CLECL1: variants seen among roughly 807,000 people sequenced by gnomAD.
CLECL1 encodes the protein C-type lectin-like domain family 1.
At chr12:9,728,825 T>C (rs1308960129) in intron 2 of CLECL1, among the ~76,000 whole-genome samples, 2 of 151,998 alleles carry the variant, frequency 1.3e-5, no homozygotes, top group Non-Finnish European at 2.9e-5. Context: ...TAGACTTTGC[T>C]GATTTCTGGA....
downstream of CLECL1, among the ~76,000 whole-genome samples, chr12:9,720,217 C>T (rs888056612): frequency 2.0e-5 from 3 of 152,134 alleles, no homozygotes; most frequent in South Asian, 2.1e-4. Context: ...GATGTTCCCC[C>T]AGTTCCCTAA....
chr12:9,713,974 A>G (rs1268494387), downstream of CLECL1, among the ~76,000 whole-genome samples: 2 of 152,202 alleles, frequency 1.3e-5, no homozygotes, highest in Admixed American at 6.5e-5. Flanking sequence ...ATCTATGTGT[A>G]GACAGTAATT....
At chr12:9,712,457 T>C (rs1355711013), downstream of CLECL1, among the ~76,000 whole-genome samples, 2 of 152,250 alleles carry the variant, frequency 1.3e-5, no homozygotes, top group Non-Finnish European at 1.5e-5. Context: ...CATAATACTG[T>C]TCTGCTTTAG....
chr12:9,716,696 A>C, exon 3 of CLECL1: 1 of 966,670 alleles, frequency 1.0e-6, no homozygotes, highest in Non-Finnish European at 1.4e-6. Context: ...AGAGACAGAC[A>C]TATGGATGCC....
chr12:9,733,025 A>T, exon 1 of CLECL1: 1 of 1,614,226 alleles, frequency 6.2e-7, no homozygotes, highest in Middle Eastern at 1.6e-4. Flanking sequence ...CTACATCTCC[A>T]GCCATTGCAC....
At chr12:9,720,493 C>T (rs370959197), downstream of CLECL1, among the ~76,000 whole-genome samples, 66 of 152,208 alleles carry the variant, frequency 4.3e-4, no homozygotes, top group African/African-American at 1.3e-3. Context: ...CAGGCATCAC[C>T]ACCACACCCG....
chr12:9,716,790 G>A (rs771181641), intron 2 of CLECL1: 4 of 1,265,376 alleles, frequency 3.2e-6, no homozygotes, highest in South Asian at 1.2e-5. Context: ...GATTTGAGAG[G>A]AGAAAGAAAA....
At chr12:9,721,694 C>T (rs915209159), downstream of CLECL1, among the ~76,000 whole-genome samples, 5 of 152,166 alleles carry the variant, frequency 3.3e-5, no homozygotes, top group African/African-American at 1.2e-4. Context: ...AGACAACACT[C>T]TTTTTAGATG....
downstream of CLECL1, among the ~76,000 whole-genome samples, chr12:9,711,052 A>G (rs1866195910): frequency 6.6e-6 from 1 of 152,188 alleles, no homozygotes; most frequent in African/African-American, 2.4e-5. Context: ...CTAAACTAGA[A>G]GAGCAAAACT....
At chr12:9,723,908 C>G (rs1290029899) in intron 3 of CLECL1, among the ~76,000 whole-genome samples, 3 of 152,040 alleles carry the variant, frequency 2.0e-5, no homozygotes, top group Non-Finnish European at 4.4e-5. Context: ...GGAAAATTGG[C>G]CAGGTGCAAT....
chr12:9,708,882 C>T, the CLECL1 span: 1 of 261,536 alleles, frequency 3.8e-6, no homozygotes, highest in East Asian at 9.9e-5. Context: ...AATGGGCAAC[C>T]AGTTCTCTTC....
chr12:9,710,894 A>G (rs1866194346), downstream of CLECL1, among the ~76,000 whole-genome samples: 1 of 152,196 alleles, frequency 6.6e-6, no homozygotes, highest in Non-Finnish European at 1.5e-5. Context: ...TTTCCACTCA[A>G]TAAAACCTTG....
intron 2 of CLECL1, chr12:9,716,852 T>C (rs903658281): frequency 1.3e-6 from 1 of 788,370 alleles, no homozygotes; most frequent in Non-Finnish European, 1.8e-6. Flanking sequence ...GAATGGATTA[T>C]TATGGGACCA....
chr12:9,726,385 A>G (rs984840791), intron 3 of CLECL1, among the ~76,000 whole-genome samples: 1 of 152,028 alleles, frequency 6.6e-6, no homozygotes, highest in Non-Finnish European at 1.5e-5. Context: ...TGAGGAAAGC[A>G]GCAGGAAAAG....
chr12:9,732,857 C>G (rs1201307874), intron 1 of CLECL1, 92 bp downstream of exon 1: 1 of 1,093,730 alleles, frequency 9.1e-7, no homozygotes, highest in East Asian at 2.4e-5. Context: ...CCAATCTCCT[C>G]TTTTCAGTTT....
intron 1 of CLECL1, among the ~76,000 whole-genome samples, chr12:9,732,654 C>T (rs371990630): frequency 6.4e-4 from 97 of 152,216 alleles, no homozygotes; most frequent in African/African-American, 2.2e-3. Context: ...AGCAGAAAGG[C>T]GTGATCCCGC....
At chr12:9,733,656 A>AT (rs1484039789), upstream of CLECL1, among the ~76,000 whole-genome samples, 98 of 152,340 alleles carry the variant, frequency 6.4e-4, no homozygotes, top group African/African-American at 2.3e-3. Flanking sequence ...TGAACTAAAA[A>AT]ATATATATTT....
chr12:9,716,629 G>A (rs1866242275), exon 3 of CLECL1: 3 of 332,046 alleles, frequency 9.0e-6, no homozygotes, highest in Non-Finnish European at 1.5e-5. Flanking sequence ...GCTCAAGCTG[G>A]GATATCAAAC....
intron 3 of CLECL1, among the ~76,000 whole-genome samples, chr12:9,726,241 T>C (rs767460947): frequency 9.1e-5 from 10 of 109,440 alleles, no homozygotes; most frequent in African/African-American, 3.0e-4. Context: ...TAAATGGTTT[T>C]AAGAAATAAA....
Sources: gnomAD v4.1 joint callset for allele counts (sites outside exome capture counted in the v4.1 genomes callset) on GRCh38, gnomAD v4.1.1 for gene constraint, MANE v1.5 for transcripts, NCBI Gene and HGNC (gene_info 2026-07-23, HGNC 2026-07-21) for gene names.